Variants in FLYWCH2 observed in about 807,000 individuals in gnomAD.
FLYWCH2 encodes FLYWCH family member 2.
In FLYWCH2, 2 loss-of-function variants were observed where a neutral mutation model predicts 6.0. The observed-to-expected ratio is 0.33, with a 90% CI of 0.14 to 1.04. The LOEUF (loss-of-function observed/expected upper bound fraction) is 1.04. Ranked by LOEUF, FLYWCH2 falls within the 50% of genes least tolerant of loss-of-function variation. FLYWCH2 has a pLI of 0.45. For missense variants in FLYWCH2, 192 were observed against 183.4 expected (o/e 1.05, Z -0.27); for synonymous variants, 87 against 79.3 (o/e 1.10, Z -0.52).
At chr16:2,894,242 C>T (rs1218305863) in intron 1 of FLYWCH2, among the ~76,000 whole-genome samples, 2 of 152,084 alleles carry the variant, frequency 1.3e-5, no homozygotes, top group South Asian at 2.1e-4. Context: ...GGAATTTGCA[C>T]GCTGGGTATG....
At chr16:2,884,327 A>G (rs887198570) in intron 1 of FLYWCH2, among the ~76,000 whole-genome samples, 1 of 152,014 alleles carries the variant, frequency 6.6e-6, no homozygotes, top group African/African-American at 2.4e-5. Flanking sequence ...CTGTGGGTCC[A>G]CCATGAGGCA....
At chr16:2,886,767 T>C (rs888045838) in intron 1 of FLYWCH2, among the ~76,000 whole-genome samples, 7 of 151,998 alleles carry the variant, frequency 4.6e-5, no homozygotes, top group African/African-American at 1.7e-4. Flanking sequence ...ATGATCCACC[T>C]GCCTCGGCCT....
chr16:2,898,561 A>G (rs920233509), intron 3 of FLYWCH2, among the ~76,000 whole-genome samples: 2 of 152,072 alleles, frequency 1.3e-5, no homozygotes, highest in African/African-American at 4.8e-5. Flanking sequence ...AGACCATCTC[A>G]AGGTCCTCCC....
At chr16:2,891,579 G>T (rs1415607874) in intron 1 of FLYWCH2, among the ~76,000 whole-genome samples, 1 of 151,888 alleles carries the variant, frequency 6.6e-6, no homozygotes, top group Non-Finnish European at 1.5e-5. Context: ...TAATTTTTTT[G>T]TATTTTTAGT....
intron 1 of FLYWCH2, among the ~76,000 whole-genome samples, chr16:2,887,622 G>A (rs558326069): frequency 6.6e-6 from 1 of 151,540 alleles, no homozygotes; most frequent in African/African-American, 2.4e-5. Context: ...CCAGGCTGAG[G>A]TACAGCAGCA....
At chr16:2,887,784 C>G (rs1054398790) in intron 1 of FLYWCH2, among the ~76,000 whole-genome samples, 2 of 151,748 alleles carry the variant, frequency 1.3e-5, no homozygotes, top group Non-Finnish European at 2.9e-5. Context: ...CTAGGCTGGT[C>G]TGGAACTCCT....
intron 1 of FLYWCH2, among the ~76,000 whole-genome samples, chr16:2,888,247 C>T (rs933087891): frequency 1.3e-5 from 2 of 151,974 alleles, no homozygotes; most frequent in African/African-American, 4.8e-5. Context: ...TGAGTTCAGG[C>T]AATCCACCCA....
chr16:2,891,857 C>G (rs1279751005), intron 1 of FLYWCH2, among the ~76,000 whole-genome samples: 3 of 152,098 alleles, frequency 2.0e-5, no homozygotes, highest in African/African-American at 7.2e-5. Flanking sequence ...GCTATGACCC[C>G]TTCCTTGGGT....
Position 2,891,166 on chromosome 16 carries a change from C to A in FLYWCH2, c.-199-4054C>A, listed in dbSNP as rs577835831. On this transcript the variant is annotated intron_variant, in intron 1 of 3. Transcript: ENST00000396958. ...ACTTCAAGCATCTGCTGCCCAAGGC[C>A]ATTGGCTCTGGACCAGGCCTCCATC... Among the ~76,000 whole-genome samples the A allele has an allele frequency of 6.6e-5, 10 of 152,328 alleles. No individual in the cohort carries two copies. In the South Asian group the frequency reaches 2.1e-3, roughly 32 times the overall value.
chr16:2,887,309 C>CTTTT (rs1404704064), intron 1 of FLYWCH2, among the ~76,000 whole-genome samples: 7 of 119,088 alleles, frequency 5.9e-5, no homozygotes, highest in African/African-American at 6.3e-5. Context: ...CCATGCCCGG[C>CTTTT]TTTCTTTTTT....
intron 2 of FLYWCH2, among the ~76,000 whole-genome samples, chr16:2,895,540 G>A (rs988336750): frequency 8.5e-5 from 13 of 152,336 alleles, no homozygotes; most frequent in African/African-American, 2.4e-4. Context: ...GCATGAACCC[G>A]GGAGGCGGAG....
rs749508163 is a variant in FLYWCH2, at chr16:2,896,446, C to T, written c.-4C>T. The T allele has an allele frequency of 1.6e-5, 26 of 1,607,490 alleles. No homozygotes were observed. The highest frequency in any genetic ancestry group is 1.8e-5 in the Non-Finnish European group (21 of 1,176,772). Reference sequence around the variant, plus strand: ...GGCCTGAGGGACAGGCCCTGGGTCCCGGGATGCCCCTGCCCGAGCCCAGCG... The same window carrying T: ...GGCCTGAGGGACAGGCCCTGGGTCCTGGGATGCCCCTGCCCGAGCCCAGCG... On this transcript the variant is annotated 5_prime_UTR_variant, in exon 3 of 4. Coordinates refer to ENST00000396958, the MANE Select transcript of FLYWCH2 (RefSeq NM_138439.3).
At chr16:2,890,253 T>G (rs150357349) in intron 1 of FLYWCH2, among the ~76,000 whole-genome samples, 10,119 of 151,630 alleles carry the variant, frequency 0.067, 468 homozygotes, top group Non-Finnish European at 0.1. Context: ...TTTTTGTTGT[T>G]TTTTGGTTTT....
At chr16:2,885,563 T>C (rs545362460) in intron 1 of FLYWCH2, among the ~76,000 whole-genome samples, 35 of 152,258 alleles carry the variant, frequency 2.3e-4, no homozygotes, top group Admixed American at 5.9e-4. Context: ...TAATTTCATG[T>C]AAATGGAATC....
rs1322925772 is a variant in FLYWCH2, at chr16:2,899,120, T to G, written c.394T>G (p.Cys132Gly). 9.9e-6 allele frequency: 16 copies of G among 1,613,476 alleles called. No homozygotes were observed. The highest frequency in any genetic ancestry group is 1.3e-5 in the Non-Finnish European group (15 of 1,179,754). ...GGCTGCTGGGGAGAACTTTGCCCCC[T>G]GCTCTGTGGCGCCCGGCAAGTCCCT... ...PEAAGENFAP[C>G]SVAPGKSL Residue 132 changes from cysteine (C) to glycine (G), a missense_variant, in exon 4 of 4, where the codon TGC (cysteine) becomes GGC (glycine). Transcript: ENST00000396958.
At chr16:2,894,798 G>C (rs1446421835) in intron 1 of FLYWCH2, among the ~76,000 whole-genome samples, 1 of 152,194 alleles carries the variant, frequency 6.6e-6, no homozygotes, top group Non-Finnish European at 1.5e-5. Context: ...CCCCAACCCT[G>C]TACTCCAGTC....
At chr16:2,884,622 C>G (rs1349673909) in intron 1 of FLYWCH2, among the ~76,000 whole-genome samples, 1 of 150,426 alleles carries the variant, frequency 6.6e-6, no homozygotes, top group South Asian at 2.1e-4. Context: ...CGCCTGTAAT[C>G]CCAGCACTTT....
In FLYWCH2 at chr16:2,895,100, A is replaced by G. The variant is rs566349779; in HGVS notation, c.-199-120A>G. On this transcript the variant is annotated intron_variant, in intron 1 of 3. Transcript: ENST00000396958. ...GCCCACCACCCAGTTGACCCCCAAA[A>G]GACAGAAAGGCCACCCCACACTGGC... 6 of 151,696 alleles carry G rather than the reference A, an allele frequency of 4.0e-5. 1 individual carries two copies. The highest frequency in any genetic ancestry group is 8.8e-5 in the Non-Finnish European group (6 of 67,990). 9.4% of individuals were successfully genotyped at this position (151,696 alleles called of 1,614,324 possible).
intron 1 of FLYWCH2, among the ~76,000 whole-genome samples, chr16:2,889,312 G>T (rs9934975): frequency 0.48 from 71,148 of 148,930 alleles, 17,621 homozygotes; most frequent in Non-Finnish European, 0.55. Flanking sequence ...CCAGGTTCAC[G>T]CCATTCTCCT....
Sources: allele counts gnomAD v4.1 joint callset (sites outside exome capture counted in the v4.1 genomes callset), GRCh38; gene constraint gnomAD v4.1.1; transcripts MANE v1.5; gene names NCBI Gene and HGNC (gene_info 2026-07-23, HGNC 2026-07-21).